The following TENM3 variants were observed in gnomAD, a reference collection of about 807,000 sequenced individuals.
TENM3 encodes the protein teneurin transmembrane protein 3.
A neutral mutation model predicts 255.1 loss-of-function variants in TENM3; 63 were observed. The ratio of observed to expected loss-of-function variants is 0.25; its 90% CI spans 0.20 to 0.30. The LOEUF is 0.30. Among genes scored for constraint, TENM3 ranks in the 10% least tolerant of loss-of-function variants. The pLI is 1.00. For missense variants in TENM3, 2,929 were observed against 3,461.1 expected (o/e 0.85, Z 3.86); for synonymous variants, 1,306 against 1,322.3 (o/e 0.99, Z 0.27).
chr4:182,671,458 C>T (rs990605332), intron 6 of TENM3, among the ~76,000 whole-genome samples: 1 of 152,172 alleles, frequency 6.6e-6, no homozygotes. Context: ...ATGTTTACCA[C>T]CAAACTTAAC....
chr4:181,720,830 G>A, the TENM3 span, among the ~76,000 whole-genome samples: 1 of 152,182 alleles, frequency 6.6e-6, no homozygotes, highest in Admixed American at 6.5e-5. Context: ...GACCATAAAG[G>A]TAAGTTTTCT....
the TENM3 span, among the ~76,000 whole-genome samples, chr4:181,984,609 T>C: frequency 6.6e-6 from 1 of 152,074 alleles, no homozygotes; most frequent in Non-Finnish European, 1.5e-5. Flanking sequence ...ATAAACCTTA[T>C]ATTATTTGCC....
intron 26 of TENM3, among the ~76,000 whole-genome samples, chr4:182,794,537 G>C (rs1766350463): frequency 6.6e-6 from 1 of 152,150 alleles, no homozygotes; most frequent in African/African-American, 2.4e-5. Context: ...TTAGACAATG[G>C]ATCCTGTGTC....
chr4:181,713,703 T>A, the TENM3 span, among the ~76,000 whole-genome samples: 1 of 152,160 alleles, frequency 6.6e-6, no homozygotes, highest in African/African-American at 2.4e-5. Flanking sequence ...AGACTAGATA[T>A]CCCTATACTT....
At chr4:181,962,594 C>T in the TENM3 span, among the ~76,000 whole-genome samples, 4 of 152,104 alleles carry the variant, frequency 2.6e-5, no homozygotes, top group Admixed American at 6.6e-5. Flanking sequence ...CTTAAGAGCT[C>T]GTCGTATTAT....
chr4:181,993,925 T>C, the TENM3 span, among the ~76,000 whole-genome samples: 3 of 152,144 alleles, frequency 2.0e-5, no homozygotes, highest in Admixed American at 1.3e-4. Flanking sequence ...CAGATGAAAC[T>C]TAGAAGACTT....
At chr4:181,640,057 A>G in the TENM3 span, among the ~76,000 whole-genome samples, 1 of 152,194 alleles carries the variant, frequency 6.6e-6, no homozygotes, top group African/African-American at 2.4e-5. Context: ...TGGTACACAG[A>G]CAGCACTCAC....
the TENM3 span, among the ~76,000 whole-genome samples, chr4:181,605,568 A>AAGAAAGAG: frequency 1.7e-4 from 7 of 42,188 alleles, no homozygotes; most frequent in East Asian, 6.3e-4. Context: ...GAAAGAAAGA[A>AAGAAAGAG]AGAGAGAGAA....
chr4:181,562,842 T>C, the TENM3 span, among the ~76,000 whole-genome samples: 4 of 152,150 alleles, frequency 2.6e-5, no homozygotes, highest in East Asian at 7.8e-4. Context: ...GCCTGGCTAA[T>C]TTTGGTATTT....
At chr4:181,994,385 A>C in the TENM3 span, among the ~76,000 whole-genome samples, 1 of 152,282 alleles carries the variant, frequency 6.6e-6, no homozygotes, top group African/African-American at 2.4e-5. Context: ...TTAAATAAGT[A>C]ATCTGTTATA....
At chr4:182,474,943 T>C (rs1165240804) in intron 3 of TENM3, among the ~76,000 whole-genome samples, 1 of 152,164 alleles carries the variant, frequency 6.6e-6, no homozygotes, top group Non-Finnish European at 1.5e-5. Context: ...CAAGTCACAT[T>C]GTCCCATCTC....
intron 6 of TENM3, among the ~76,000 whole-genome samples, chr4:182,657,365 A>T (rs1406565779): frequency 6.6e-6 from 1 of 152,154 alleles, no homozygotes; most frequent in Non-Finnish European, 1.5e-5. Flanking sequence ...TTCTATTAAA[A>T]AAAATAGAAA....
rs1442664084 is a variant in TENM3, at chr4:182,792,410, A to G, written c.5738A>G (p.Asn1913Ser). Residue 1913 changes from asparagine (N) to serine (S), a missense_variant, in exon 26 of 28, where the codon AAC becomes AGC. Physicochemically the swap from Asn to Ser is conservative, Grantham distance 46. Transcript: ENST00000511685. This position sits in a 1 kb window ranked among gnomAD's most constrained non-coding sequence, Gnocchi z 6.3. ...QTIRSIGYYR[N>S]IYNPPESNAS... is the part of the protein sequence containing the mutation. The stretch of plus-strand genomic sequence containing the variant: ...ATCCGATCCATTGGCTACTACCGCA[A>G]CATATACAACCCCCCGGAAAGCAAC... The G allele has an allele frequency of 1.9e-6, 3 of 1,614,058 alleles. No individual in the cohort carries two copies. Among genetic ancestry groups the G allele is most frequent in the Non-Finnish European group, 2.5e-6 (3 of 1,179,904 alleles).
intron 3 of TENM3, among the ~76,000 whole-genome samples, chr4:182,529,538 T>C (rs1739565004): frequency 6.6e-6 from 1 of 152,120 alleles, no homozygotes; most frequent in South Asian, 2.1e-4. Flanking sequence ...TTCATTCTTC[T>C]TCCTTTCTTC....
the TENM3 span, among the ~76,000 whole-genome samples, chr4:182,090,515 G>T: frequency 6.6e-6 from 1 of 152,126 alleles, no homozygotes; most frequent in African/African-American, 2.4e-5. Context: ...TAAATTCTTG[G>T]AAGTGGAGTC....
intron 13 of TENM3, 100 bp from the exon 14 acceptor site, chr4:182,728,865 C>A: frequency 1.2e-6 from 1 of 809,990 alleles, no homozygotes; most frequent in Non-Finnish European, 1.8e-6. Flanking sequence ...GGAGAAATCA[C>A]TTGATGTGAA....
At chr4:182,713,609 C>G (rs1233410556) in intron 12 of TENM3, among the ~76,000 whole-genome samples, 2 of 152,150 alleles carry the variant, frequency 1.3e-5, no homozygotes, top group Non-Finnish European at 2.9e-5. Context: ...CATTCATATC[C>G]TCATACCCAC....
At chr4:182,564,406 G>C (rs951616263) in intron 3 of TENM3, among the ~76,000 whole-genome samples, 1 of 151,852 alleles carries the variant, frequency 6.6e-6, no homozygotes, top group African/African-American at 2.4e-5. Context: ...CTCCCGCCTT[G>C]GCCTCCCAAA....
At chr4:182,194,727 T>C (rs1753732668) in intron 1 of TENM3, among the ~76,000 whole-genome samples, 1 of 152,182 alleles carries the variant, frequency 6.6e-6, no homozygotes, top group South Asian at 2.1e-4. Flanking sequence ...AAGTGAAGTT[T>C]GAGAAGTTAT....
Sources: gnomAD v4.1 joint callset for allele counts (sites outside exome capture counted in the v4.1 genomes callset) on GRCh38, gnomAD v4.1.1 for gene constraint, Gnocchi (gnomAD v3.1) non-coding constraint, MANE v1.5 for transcripts, NCBI Gene and HGNC (gene_info 2026-07-23, HGNC 2026-07-21) for gene names.